SLC25A21: variants seen among roughly 807,000 people sequenced by gnomAD.
SLC25A21 encodes the protein mitochondrial 2-oxodicarboxylate carrier.
Under a neutral mutation model 43.8 loss-of-function variants are expected in SLC25A21, and 47 were observed. The ratio of observed to expected loss-of-function variants is 1.07; its 90% CI spans 0.85 to 1.37. SLC25A21 has a LOEUF of 1.37. Ranked by LOEUF, SLC25A21 falls within the 40% of genes most tolerant of loss-of-function variation. SLC25A21 has a pLI of 0.00. For missense variants in SLC25A21, 352 were observed against 350.2 expected (o/e 1.00, Z -0.04); for synonymous variants, 131 against 121.3 (o/e 1.08, Z -0.52).
chr14:36,804,703 T>G (rs6571761), intron 3 of SLC25A21, among the ~76,000 whole-genome samples: 63,677 of 151,886 alleles, frequency 0.42, 13,807 homozygotes, highest in East Asian at 0.7. Context: ...GCCCAAAAAT[T>G]CATGAAGTCA....
At chr14:36,776,792 C>G (rs1886852346) in intron 3 of SLC25A21, among the ~76,000 whole-genome samples, 1 of 152,118 alleles carries the variant, frequency 6.6e-6, no homozygotes, top group Non-Finnish European at 1.5e-5. Context: ...TAGCGATTAT[C>G]AGAAGGATAT....
chr14:36,899,973 C>T (rs1046101169), intron 1 of SLC25A21, among the ~76,000 whole-genome samples: 3 of 152,052 alleles, frequency 2.0e-5, no homozygotes, highest in Non-Finnish European at 4.4e-5. Flanking sequence ...AATAATTTGT[C>T]AGGACTCTTT....
intron 1 of SLC25A21, among the ~76,000 whole-genome samples, chr14:37,065,756 T>G (rs1439661708): frequency 6.6e-6 from 1 of 152,204 alleles, no homozygotes; most frequent in African/African-American, 2.4e-5. Context: ...TATTGAATCA[T>G]TAGACATATA....
chr14:37,006,020 A>C (rs767475657), intron 1 of SLC25A21, among the ~76,000 whole-genome samples: 14 of 152,302 alleles, frequency 9.2e-5, no homozygotes, highest in Non-Finnish European at 1.9e-4. Flanking sequence ...ATTTATGCCT[A>C]ATAAAGATGG....
intron 1 of SLC25A21, among the ~76,000 whole-genome samples, chr14:36,876,875 G>T (rs1055329448): frequency 6.7e-6 from 1 of 148,876 alleles, no homozygotes; most frequent in Non-Finnish European, 1.5e-5. Context: ...GGTCATGAGG[G>T]TCTTGCCCCC....
intron 1 of SLC25A21, among the ~76,000 whole-genome samples, chr14:37,026,074 A>G (rs796114268): frequency 1.4e-4 from 22 of 152,194 alleles, no homozygotes; most frequent in African/African-American, 4.8e-4. Context: ...CTCCCTAAAG[A>G]CTAGACGTCC....
At position 36,678,956 on chromosome 14, in the gene SLC25A21, T is replaced by TATTA; in HGVS notation, c.*1698_*1701dup. 1 of 981,906 alleles carries TATTA rather than the reference T, an allele frequency of 1.0e-6. No homozygotes were observed. Among genetic ancestry groups the TATTA allele is most frequent in the South Asian group, 4.7e-5 (1 of 21,214 alleles). 60.8% of individuals were successfully genotyped at this position (981,906 alleles called of 1,614,324 possible). On this transcript the variant is annotated 3_prime_UTR_variant, in exon 10 of 10. Transcript: ENST00000331299. ...GATTAAAGGGTTAACTTTTAAAGAT[T>TATTA]ATTATTGGTTAATGTTGACATATTT...
intron 1 of SLC25A21, among the ~76,000 whole-genome samples, chr14:37,106,053 T>C (rs1054945404): frequency 6.6e-6 from 1 of 152,174 alleles, no homozygotes; most frequent in Non-Finnish European, 1.5e-5. Flanking sequence ...CTTAATCCTG[T>C]TATCTTCATA....
chr14:37,040,206 AAAAAAG>A (rs374378504), intron 1 of SLC25A21, among the ~76,000 whole-genome samples: 3 of 37,848 alleles, frequency 7.9e-5, no homozygotes, highest in Admixed American at 3.2e-4. Context: ...AGAAGAAAGA[AAAAAAG>A]AAAAAGAAAA....
intron 9 of SLC25A21, among the ~76,000 whole-genome samples, chr14:36,683,097 T>C (rs1348173941): frequency 6.6e-6 from 1 of 152,196 alleles, no homozygotes; most frequent in Non-Finnish European, 1.5e-5. Flanking sequence ...AAAAAAAATA[T>C]ATGTGTGGTC....
At chr14:37,161,052 G>C (rs1963932667) in intron 1 of SLC25A21, among the ~76,000 whole-genome samples, 1 of 151,780 alleles carries the variant, frequency 6.6e-6, no homozygotes, top group Non-Finnish European at 1.5e-5. Flanking sequence ...TCTCATAGCA[G>C]AGTAGGATGA....
intron 1 of SLC25A21, among the ~76,000 whole-genome samples, chr14:37,131,483 A>G (rs1963390906): frequency 6.6e-6 from 1 of 152,230 alleles, no homozygotes; most frequent in African/African-American, 2.4e-5. Flanking sequence ...ATAGATACAC[A>G]GCACTGTCTG....
intron 1 of SLC25A21, among the ~76,000 whole-genome samples, chr14:37,133,110 A>G (rs1012571336): frequency 6.6e-6 from 1 of 151,222 alleles, no homozygotes; most frequent in Non-Finnish European, 1.5e-5. Context: ...GGTGGGCCTG[A>G]TACACATACC....
intron 4 of SLC25A21, among the ~76,000 whole-genome samples, chr14:36,732,641 TAC>T (rs201139550): frequency 2.0e-5 from 3 of 152,104 alleles, no homozygotes; most frequent in Non-Finnish European, 4.4e-5. Context: ...TACCAAAGAA[TAC>T]ACACACACAC....
intron 1 of SLC25A21, among the ~76,000 whole-genome samples, chr14:37,056,180 C>T (rs1198159792): frequency 6.6e-6 from 1 of 152,124 alleles, no homozygotes; most frequent in Non-Finnish European, 1.5e-5. Context: ...TTCAATTAAA[C>T]TTCTTTTCTT....
chr14:37,052,155 T>C (rs954952430), intron 1 of SLC25A21, among the ~76,000 whole-genome samples: 1 of 152,224 alleles, frequency 6.6e-6, no homozygotes, highest in Non-Finnish European at 1.5e-5. Context: ...CTTAATAGGA[T>C]AAAAGCGGAA....
chr14:36,877,871 C>T (rs1452304946), intron 1 of SLC25A21, among the ~76,000 whole-genome samples: 1 of 152,072 alleles, frequency 6.6e-6, no homozygotes, highest in Non-Finnish European at 1.5e-5. Flanking sequence ...CACTTTATCC[C>T]ATAGGCCACG....
chr14:36,887,364 A>T (rs1890947729), intron 1 of SLC25A21, among the ~76,000 whole-genome samples: 1 of 151,978 alleles, frequency 6.6e-6, no homozygotes, highest in Non-Finnish European at 1.5e-5. Context: ...GGAGTTTGAG[A>T]CAACCCTGGC....
intron 1 of SLC25A21, among the ~76,000 whole-genome samples, chr14:37,104,651 G>T (rs1962878803): frequency 6.6e-6 from 1 of 152,102 alleles, no homozygotes; most frequent in African/African-American, 2.4e-5. Context: ...ATCATTGAAT[G>T]TGCACACAAA....
Sources: gnomAD v4.1 joint callset for allele counts (sites outside exome capture counted in the v4.1 genomes callset) on GRCh38, gnomAD v4.1.1 for gene constraint, MANE v1.5 for transcripts, NCBI Gene and HGNC (gene_info 2026-07-23, HGNC 2026-07-21) for gene names.